Variants in ELAVL2 observed in about 807,000 individuals in gnomAD.
ELAVL2 encodes the protein ELAV-like protein 2.
ELAVL2 carries 4 observed loss-of-function variants against 34.6 expected under a neutral mutation model. The ratio of observed to expected loss-of-function variants is 0.12; its 90% CI spans 0.06 to 0.26. ELAVL2 has a LOEUF of 0.26. Among genes scored for constraint, ELAVL2 ranks in the 10% least tolerant of loss-of-function variants. The pLI is 1.00. For synonymous variants in ELAVL2, 193 were observed against 154.8 expected, an observed-to-expected ratio of 1.25 and a Z score of -1.83; for missense variants, 432 against 442.8, an observed-to-expected ratio of 0.98 and a Z score of 0.22.
rs79296917 is a variant in ELAVL2, at chr9:23,752,093, T to A, written c.229+9913A>T. 9.4e-3 allele frequency among the ~76,000 whole-genome samples: 1,438 copies of A among 152,236 alleles called. 18 individuals are homozygous for A. Among genetic ancestry groups the A allele is most frequent in the African/African-American group, 0.032 (1,324 of 41,554 alleles). On this transcript the variant is annotated intron_variant, in intron 2 of 6. Transcript: ENST00000397312. Reference sequence around the variant, plus strand: ...CAAGATGTTTTTCAAAAACTACTTTTTACCTATGGGGGGAAAAACAAAAGT... The same window carrying A: ...CAAGATGTTTTTCAAAAACTACTTTATACCTATGGGGGGAAAAACAAAAGT...
At chr9:23,815,506 T>C (rs866205020) in intron 1 of ELAVL2, among the ~76,000 whole-genome samples, 15 of 152,144 alleles carry the variant, frequency 9.9e-5, no homozygotes, top group South Asian at 6.2e-4. Context: ...TCATAACACA[T>C]TGAAAGCCAA....
Position 23,692,438 on chromosome 9 carries a change from G to T in ELAVL2, c.*119C>A. ...CACATATTTCTTAGGATGCTAAGTA[G>T]TCATTTTATCCCCATCTCAACACTG... On this transcript the variant is annotated 3_prime_UTR_variant, in exon 7 of 7. Transcript: ENST00000397312. 3 of 1,029,408 alleles carry T rather than the reference G, an allele frequency of 2.9e-6. No individual in the cohort carries two copies. The highest frequency in any genetic ancestry group is 2.2e-4 in the Middle Eastern group (1 of 4,644). The allele number at this position is 1,029,408 out of a possible 1,614,324, so 63.8% of individuals were successfully genotyped here. A position where few individuals can be genotyped will look rare whatever the true frequency, so the allele number is the denominator to read the frequency against.
intron 2 of ELAVL2, among the ~76,000 whole-genome samples, chr9:23,748,253 C>G (rs909703619): frequency 6.6e-6 from 1 of 151,998 alleles, no homozygotes; most frequent in Non-Finnish European, 1.5e-5. Flanking sequence ...TAACTCGTCG[C>G]TCTTTGACTC....
At chr9:23,834,279 T>A in the ELAVL2 span, among the ~76,000 whole-genome samples, 1 of 151,990 alleles carries the variant, frequency 6.6e-6, no homozygotes, top group Non-Finnish European at 1.5e-5. Context: ...ATATAACTTG[T>A]CAAAAAATTA....
upstream of ELAVL2, among the ~76,000 whole-genome samples, chr9:23,830,975 T>G (rs1023877105): frequency 1.3e-5 from 2 of 152,154 alleles, no homozygotes; most frequent in African/African-American, 2.4e-5. Flanking sequence ...TCAGGGATAC[T>G]AACAGCCTTC....
intron 2 of ELAVL2, among the ~76,000 whole-genome samples, chr9:23,752,564 C>T (rs2052390259): frequency 1.3e-5 from 2 of 151,892 alleles, no homozygotes; most frequent in Non-Finnish European, 2.9e-5. Flanking sequence ...AAGCGATTCT[C>T]CTGTCTCAGC....
intron 5 of ELAVL2, among the ~76,000 whole-genome samples, chr9:23,697,471 C>A (rs896905187): frequency 2.0e-5 from 3 of 152,138 alleles, no homozygotes; most frequent in African/African-American, 2.4e-5. Context: ...ACATTTAATA[C>A]AGATTGTCTC....
At chr9:23,722,567 G>C (rs1165474946) in intron 3 of ELAVL2, among the ~76,000 whole-genome samples, 1 of 152,136 alleles carries the variant, frequency 6.6e-6, no homozygotes, top group Non-Finnish European at 1.5e-5. Context: ...GACACTCAAA[G>C]GCCCAAATTA....
chr9:23,700,211 T>G (rs561574094), intron 5 of ELAVL2, among the ~76,000 whole-genome samples: 1 of 152,330 alleles, frequency 6.6e-6, no homozygotes, highest in East Asian at 1.9e-4. Context: ...GATATGCACT[T>G]GGAAATAATT....
In ELAVL2 at chr9:23,705,015, G is replaced by A. The variant is rs367739377; in HGVS notation, c.390C>T (p.Ser130=). 1.4e-5 allele frequency: 23 copies of A among 1,613,998 alleles called. No individual in the cohort carries two copies. The highest frequency in any genetic ancestry group is 5.0e-5 in the Admixed American group (3 of 59,998). The change falls in exon 4 of 7, where the codon AGC becomes AGT. Residue 130 remains serine (S), a synonymous_variant. Transcript: ENST00000397312. ...TCTGGGTCATTGTTTTTGGAAGTCC[G>A]CTGACATATAAATTTGCATCTCTGA... is the stretch of plus-strand genomic sequence containing the variant. ...ASIRDANLYV[S]GLPKTMTQKE...
intron 1 of ELAVL2, among the ~76,000 whole-genome samples, chr9:23,796,589 G>A (rs1157005495): frequency 6.6e-6 from 1 of 152,238 alleles, no homozygotes; most frequent in Non-Finnish European, 1.5e-5. Flanking sequence ...ATCCAAAGAT[G>A]CATGACTTGC....
At chr9:23,819,831 G>A (rs1169955952) in intron 1 of ELAVL2, among the ~76,000 whole-genome samples, 2 of 152,048 alleles carry the variant, frequency 1.3e-5, no homozygotes, top group African/African-American at 4.8e-5. Flanking sequence ...ACCCCATTCT[G>A]GCCTTTATCT....
chr9:23,828,048 GAAGA>G (rs1437390209), upstream of ELAVL2, among the ~76,000 whole-genome samples: 1 of 152,032 alleles, frequency 6.6e-6, no homozygotes, highest in East Asian at 1.9e-4. Context: ...CTCACAGCAA[GAAGA>G]AAGAAAAGCA....
intron 1 of ELAVL2, among the ~76,000 whole-genome samples, chr9:23,776,502 C>A (rs1291700253): frequency 1.3e-5 from 2 of 152,020 alleles, no homozygotes; most frequent in East Asian, 3.9e-4. Context: ...AGAAACTCCC[C>A]AAGGCTAGAA....
At chr9:23,756,974 T>C (rs1176337145) in intron 2 of ELAVL2, among the ~76,000 whole-genome samples, 1 of 152,112 alleles carries the variant, frequency 6.6e-6, no homozygotes, top group African/African-American at 2.4e-5. Context: ...CCATACTTCA[T>C]GAGACACAGT....
intron 2 of ELAVL2, among the ~76,000 whole-genome samples, chr9:23,751,725 C>G (rs2052093847): frequency 6.6e-6 from 1 of 152,184 alleles, no homozygotes; most frequent in Non-Finnish European, 1.5e-5. Flanking sequence ...AATTTAACAA[C>G]TTGCTGACCT....
chr9:23,813,649 G>C (rs192702342), intron 1 of ELAVL2, among the ~76,000 whole-genome samples: 9 of 152,260 alleles, frequency 5.9e-5, no homozygotes, highest in Admixed American at 2.0e-4. Flanking sequence ...AATCCCAGGG[G>C]GGGAGGAGAG....
chr9:23,758,765 A>T (rs2054183398), intron 2 of ELAVL2, among the ~76,000 whole-genome samples: 1 of 152,094 alleles, frequency 6.6e-6, no homozygotes. Context: ...CTATAATTCA[A>T]ACAGGTTTTC....
intron 1 of ELAVL2, among the ~76,000 whole-genome samples, chr9:23,803,460 A>T (rs1338042645): frequency 1.3e-5 from 2 of 152,172 alleles, no homozygotes; most frequent in Non-Finnish European, 2.9e-5. Context: ...TTTACACCCT[A>T]GTCAGGAAGC....
Sources: allele counts gnomAD v4.1 joint callset (sites outside exome capture counted in the v4.1 genomes callset), GRCh38; gene constraint gnomAD v4.1.1; transcripts MANE v1.5; gene names NCBI Gene and HGNC (gene_info 2026-07-23, HGNC 2026-07-21).